Variants in PDE1C observed in about 807,000 individuals in gnomAD.
PDE1C encodes the protein dual specificity calcium/calmodulin-dependent 3',5'-cyclic nucleotide phosphodiesterase 1C.
A neutral mutation model predicts 93.1 loss-of-function variants in PDE1C; 62 were observed. The observed-to-expected ratio is 0.67, with a 90% CI of 0.54 to 0.82. PDE1C has a LOEUF of 0.82. Among genes scored for constraint, PDE1C ranks in the 40% least tolerant of loss-of-function variants. The pLI is 0.00. For missense variants in PDE1C, 742 were observed against 884.6 expected (o/e 0.84, Z 2.04); for synonymous variants, 325 against 310.1 (o/e 1.05, Z -0.50).
At chr7:32,036,464 AAAT>A (rs1488172905) in intron 2 of PDE1C, among the ~76,000 whole-genome samples, 4 of 152,214 alleles carry the variant, frequency 2.6e-5, no homozygotes, top group African/African-American at 9.6e-5. Context: ...AGAAGAAAGG[AAAT>A]AATAAACAAA....
At chr7:31,692,950 C>A in the PDE1C span, among the ~76,000 whole-genome samples, 2 of 152,274 alleles carry the variant, frequency 1.3e-5, no homozygotes, top group African/African-American at 2.4e-5. Context: ...TTTTAAATAG[C>A]CTTTTTCTGC....
intron 1 of PDE1C, among the ~76,000 whole-genome samples, chr7:32,264,673 G>C (rs1417598849): frequency 6.6e-6 from 1 of 152,180 alleles, no homozygotes; most frequent in African/African-American, 2.4e-5. Flanking sequence ...GCTGATGAAG[G>C]CCACTAGCAA....
At chr7:32,314,619 AT>A (rs1416177688) in intron 1 of PDE1C, among the ~76,000 whole-genome samples, 1 of 152,132 alleles carries the variant, frequency 6.6e-6, no homozygotes, top group Non-Finnish European at 1.5e-5. Context: ...CATGCATCTC[AT>A]TTCAAGCCCT....
chr7:32,339,543 T>C (rs929303462), intron 1 of PDE1C, among the ~76,000 whole-genome samples: 2 of 152,136 alleles, frequency 1.3e-5, no homozygotes, highest in African/African-American at 4.8e-5. Context: ...TTTTTAATAA[T>C]CAAAAAATGA....
rs1337142828 is a variant in PDE1C, at chr7:32,099,587, C to T, written c.308+70198G>A. Among the ~76,000 whole-genome samples, 3 of 152,168 alleles carry T rather than the reference C, an allele frequency of 2.0e-5. No homozygotes were observed. The East Asian group carries it at 5.8e-4, about 29-fold the overall frequency. ...AATGAGGACATTAACTAATTAAAAA[C>T]CCAACAAACCTACCTCTCTGGATTC... On this transcript the variant is annotated intron_variant, in intron 3 of 18. Coordinates refer to the PDE1C transcript ENST00000396193.
chr7:31,634,557 T>G, the PDE1C span, among the ~76,000 whole-genome samples: 1 of 152,226 alleles, frequency 6.6e-6, no homozygotes, highest in African/African-American at 2.4e-5. Flanking sequence ...CAGACTCCAG[T>G]AGAGCAGGCT....
chr7:31,661,697 A>G, the PDE1C span, among the ~76,000 whole-genome samples: 2 of 152,352 alleles, frequency 1.3e-5, no homozygotes, highest in Middle Eastern at 6.8e-3. Context: ...TGGGGCAACA[A>G]GAGTGAAACT....
At chr7:31,893,393 T>C in intron 2 of PDE1C, 1 of 698,478 alleles carries the variant, frequency 1.4e-6, no homozygotes, top group Non-Finnish European at 1.8e-6. Flanking sequence ...TATATTCTAA[T>C]AACTGAACGT....
intron 1 of PDE1C, among the ~76,000 whole-genome samples, chr7:32,376,167 A>G (rs1784429222): frequency 6.6e-6 from 1 of 151,982 alleles, no homozygotes; most frequent in Admixed American, 6.5e-5. Flanking sequence ...AAAAAAAGAA[A>G]GAAAGAAAGA....
At chr7:32,409,421 T>G (rs1018220990) in intron 1 of PDE1C, among the ~76,000 whole-genome samples, 1 of 152,084 alleles carries the variant, frequency 6.6e-6, no homozygotes, top group Admixed American at 6.5e-5. Flanking sequence ...CAGTGTTATA[T>G]CAATATCAAA....
chr7:32,014,161 C>A (rs1054177801), intron 2 of PDE1C, among the ~76,000 whole-genome samples: 1 of 152,144 alleles, frequency 6.6e-6, no homozygotes, highest in African/African-American at 2.4e-5. Context: ...CAATGCACTG[C>A]AATAATTGGT....
rs1387187140 is a variant in PDE1C at position 32,050,077 on chromosome 7, GTATCTAAACA to G, written c.128+1467_128+1476del. ...CTGTAACACAATGGTAAGTATGTGGGTATCTAAACATATCTAAACATAGAAAAGCTAATGC... is the reference window on the plus strand; with the variant it reads ...CTGTAACACAATGGTAAGTATGTGGGTATCTAAACATAGAAAAGCTAATGC... On this transcript the variant is annotated intron_variant, in intron 2 of 17. Coordinates refer to ENST00000396191, the MANE Select transcript of PDE1C (RefSeq NM_001191057.4). Among the ~76,000 whole-genome samples the G allele has an allele frequency of 3.9e-5, 6 of 152,258 alleles. No homozygotes were observed. The East Asian group carries it at 7.7e-4, about 20-fold the overall frequency.
chr7:32,092,598 C>T (rs993994714), intron 3 of PDE1C, among the ~76,000 whole-genome samples: 2 of 152,120 alleles, frequency 1.3e-5, no homozygotes, highest in Non-Finnish European at 2.9e-5. Flanking sequence ...TCTGGAGGTC[C>T]CTTCCAGATC....
At chr7:31,697,532 A>C in the PDE1C span, among the ~76,000 whole-genome samples, 1 of 152,224 alleles carries the variant, frequency 6.6e-6, no homozygotes, top group Non-Finnish European at 1.5e-5. Flanking sequence ...TGCAGAAATA[A>C]GGATAGCTAT....
intron 3 of PDE1C, among the ~76,000 whole-genome samples, chr7:32,105,401 G>T (rs1039606321): frequency 2.6e-5 from 4 of 151,478 alleles, no homozygotes; most frequent in Non-Finnish European, 5.9e-5. Flanking sequence ...GAAGAGAAAG[G>T]TGGAAATGGA....
chr7:32,082,129 G>A (rs896568102), intron 3 of PDE1C, among the ~76,000 whole-genome samples: 15 of 152,264 alleles, frequency 9.9e-5, no homozygotes, highest in East Asian at 1.9e-4. Flanking sequence ...GGTGACAGAC[G>A]GCACCTGGAA....
intron 1 of PDE1C, among the ~76,000 whole-genome samples, chr7:32,222,584 T>C (rs4723136): frequency 0.99 from 150,418 of 152,328 alleles, 74,304 homozygotes; most frequent in Middle Eastern, 1. Flanking sequence ...AGTTGGAAGT[T>C]GGGGACAATT....
chr7:32,008,993 G>A (rs1786682353), intron 2 of PDE1C, among the ~76,000 whole-genome samples: 1 of 152,044 alleles, frequency 6.6e-6, no homozygotes, highest in Non-Finnish European at 1.5e-5. Flanking sequence ...TCTTAACCAA[G>A]ATACAGAATA....
chr7:31,849,957 A>G (rs184259247), intron 8 of PDE1C, among the ~76,000 whole-genome samples: 1 of 152,258 alleles, frequency 6.6e-6, no homozygotes, highest in Admixed American at 6.5e-5. Flanking sequence ...GTTTAGTAAG[A>G]AAAAGTACCA....
Sources: allele counts gnomAD v4.1 joint callset (sites outside exome capture counted in the v4.1 genomes callset), GRCh38; gene constraint gnomAD v4.1.1; transcripts MANE v1.5; gene names NCBI Gene and HGNC (gene_info 2026-07-23, HGNC 2026-07-21).